The following GAB2 variants were observed in gnomAD, a reference collection of about 807,000 sequenced individuals.
GAB2 encodes GRB2-associated-binding protein 2.
Under a neutral mutation model 65.5 loss-of-function variants are expected in GAB2, and 26 were observed. The ratio of observed to expected loss-of-function variants is 0.40; its 90% CI spans 0.29 to 0.55. The LOEUF is 0.55. Among genes scored for constraint, GAB2 ranks in the 20% least tolerant of loss-of-function variants. The probability of loss-of-function intolerance (pLI) is 0.53; values close to 1 mark genes in which losing one functional copy is unlikely to be tolerated. For synonymous variants in GAB2, 321 were observed against 329.6 expected (o/e 0.97, Z 0.28); for missense variants, 884 against 875.8 (o/e 1.01, Z -0.12).
At chr11:78,373,519 T>G (rs1856597766) in intron 1 of GAB2, among the ~76,000 whole-genome samples, 1 of 152,106 alleles carries the variant, frequency 6.6e-6, no homozygotes, top group Non-Finnish European at 1.5e-5. Context: ...ATTACAGGCG[T>G]GAGCCACCAC....
intron 2 of GAB2, among the ~76,000 whole-genome samples, chr11:78,264,653 C>A (rs575788636): frequency 6.6e-6 from 1 of 152,124 alleles, no homozygotes; most frequent in East Asian, 1.9e-4. Flanking sequence ...GGTGGTTTAT[C>A]TCCCTTGGCC....
At chr11:78,220,122 G>A (rs1376738116) in intron 9 of GAB2, among the ~76,000 whole-genome samples, 197 bp downstream of exon 9, 1 of 152,200 alleles carries the variant, frequency 6.6e-6, no homozygotes, top group East Asian at 1.9e-4. Context: ...TGAGGGTACT[G>A]TGCTCTGAGA....
intron 1 of GAB2, among the ~76,000 whole-genome samples, chr11:78,303,567 TTTA>T (rs1166179160): frequency 6.6e-6 from 1 of 152,198 alleles, no homozygotes; most frequent in Non-Finnish European, 1.5e-5. Context: ...TTACTGCAGT[TTTA>T]TAATAAGTCT....
At chr11:78,271,277 T>C (rs1382305301) in intron 2 of GAB2, among the ~76,000 whole-genome samples, 2 of 152,230 alleles carry the variant, frequency 1.3e-5, no homozygotes, top group Non-Finnish European at 2.9e-5. Flanking sequence ...TTCCTTATTC[T>C]GAGGACTGAC....
At chr11:78,263,634 GGGA>G (rs1216105708) in intron 2 of GAB2, among the ~76,000 whole-genome samples, 2 of 125,960 alleles carry the variant, frequency 1.6e-5, no homozygotes, top group African/African-American at 7.3e-5. Flanking sequence ...CTCTGTCTGG[GGGA>G]AAAAAAAAAA....
At chr11:78,219,858 C>T (rs751136241) in intron 9 of GAB2, among the ~76,000 whole-genome samples, 18 of 152,174 alleles carry the variant, frequency 1.2e-4, no homozygotes, top group Non-Finnish European at 2.1e-4. Flanking sequence ...AGCTCTGCAC[C>T]CTTCTGTCTA....
Position 78,221,921 on chromosome 11 carries a change from G to A in GAB2, c.1659-142C>T, listed in dbSNP as rs1413611570. The stretch of plus-strand genomic sequence containing the variant: ...CTCCATCAGATTAAGATCTGATATA[G>A]GGCAGGTATAATTATTCTCTTTTAC... On this transcript the variant is annotated intron_variant, in intron 7 of 9. Coordinates refer to ENST00000361507, the MANE Select transcript of GAB2 (RefSeq NM_080491.3). 8.8e-6 allele frequency: 6 copies of A among 683,900 alleles called. No homozygotes were observed. In the African/African-American group the frequency reaches 8.9e-5, roughly 10 times the overall value. 42.4% of individuals were successfully genotyped at this position (683,900 alleles called of 1,614,324 possible).
chr11:78,218,431 G>A lies in GAB2; in HGVS notation c.*841C>T, dbSNP rs1864254393. 6.6e-6 allele frequency: 1 copy of A among 152,526 alleles called. No individual in the cohort carries two copies. The highest frequency in any genetic ancestry group is 2.4e-5 in the African/African-American group (1 of 41,454). The allele number at this position is 152,526 out of a possible 1,614,324, so 9.4% of individuals were successfully genotyped here. On this transcript the variant is annotated 3_prime_UTR_variant, in exon 10 of 10. Coordinates refer to ENST00000361507, the MANE Select transcript of GAB2 (RefSeq NM_080491.3). ...GGGCCTCTGAGGGGACTGGGGAAGA[G>A]GACTAGCCCTTGGGCCTAGAGTGGC...
chr11:78,320,282 T>C (rs1387147778), intron 1 of GAB2, among the ~76,000 whole-genome samples: 2 of 152,122 alleles, frequency 1.3e-5, no homozygotes, highest in Non-Finnish European at 2.9e-5. Flanking sequence ...AGCAATCTTC[T>C]TGCCTCAGCC....
chr11:78,309,951 TG>T (rs1855455839), intron 1 of GAB2, among the ~76,000 whole-genome samples: 1 of 140,648 alleles, frequency 7.1e-6, no homozygotes, highest in Non-Finnish European at 1.5e-5. Flanking sequence ...TGTGTGTGTG[TG>T]TGTGTGTGTG....
In GAB2 at chr11:78,217,328, G is replaced by C. The variant is rs1188758599; in HGVS notation, c.*1944C>G. The C allele has an allele frequency of 6.6e-6, 1 of 152,178 alleles. No homozygotes were observed. The highest frequency in any genetic ancestry group is 1.9e-4 in the East Asian group (1 of 5,192). The allele number at this position is 152,178 out of a possible 1,614,324, so 9.4% of individuals were successfully genotyped here. A position where few individuals can be genotyped will look rare whatever the true frequency, so the allele number is the denominator to read the frequency against. On this transcript the variant is annotated 3_prime_UTR_variant, in exon 10 of 10. Coordinates refer to ENST00000361507, the MANE Select transcript of GAB2 (RefSeq NM_080491.3). The stretch of plus-strand genomic sequence containing the variant: ...CCTTAGTGCTTAACCCCAGAAACTG[G>C]AGACAGCAGCCATTAATAAATACTC...
chr11:78,231,156 T>C (rs949834007), intron 3 of GAB2, among the ~76,000 whole-genome samples: 1 of 152,118 alleles, frequency 6.6e-6, no homozygotes, highest in Non-Finnish European at 1.5e-5. Context: ...AGGAAGATAC[T>C]CAAACACAAG....
chr11:78,334,216 C>G (rs1051875159), intron 1 of GAB2, among the ~76,000 whole-genome samples: 14 of 152,034 alleles, frequency 9.2e-5, no homozygotes, highest in African/African-American at 3.4e-4. Context: ...AATAAGGTAC[C>G]CATCCCCTTG....
rs564683311 is a variant in GAB2 at position 78,273,590 on chromosome 11, G to A, written c.376+7011C>T. 1.3e-4 allele frequency among the ~76,000 whole-genome samples: 20 copies of A among 152,340 alleles called. No homozygotes were observed. The East Asian group carries it at 2.3e-3, about 18-fold the overall frequency. On this transcript the variant is annotated intron_variant, in intron 2 of 9. Transcript: ENST00000361507. ...CTTTTGATTTTACAGGCTCATAGGCGGAAGGCCTTGCCTTGGATGAGACTT... is the reference window on the plus strand; with the variant it reads ...CTTTTGATTTTACAGGCTCATAGGCAGAAGGCCTTGCCTTGGATGAGACTT...
rs893223088 is a variant in GAB2, at chr11:78,258,998, A to AT, written c.377-8599dup. Among the ~76,000 whole-genome samples, 531 of 151,576 alleles carry AT rather than the reference A, an allele frequency of 3.5e-3. 9 individuals are homozygous for AT. Among genetic ancestry groups the AT allele is most frequent in the Middle Eastern group, 0.02 (6 of 294 alleles). On this transcript the variant is annotated intron_variant, in intron 2 of 9. Transcript: ENST00000361507. ...GTACTAAATCTAGTACCCAATAGTT[A>AT]TTTTTTTTGCTCCTCTCCCTCCTCC...
chr11:78,291,182 G>C (rs1866657592), intron 1 of GAB2, among the ~76,000 whole-genome samples: 2 of 151,590 alleles, frequency 1.3e-5, no homozygotes, highest in South Asian at 4.2e-4. Flanking sequence ...GCTGGGCGTG[G>C]TGGCTCACGT....
intron 1 of GAB2, among the ~76,000 whole-genome samples, chr11:78,350,382 T>C (rs1312968152): frequency 7.2e-5 from 11 of 152,206 alleles, no homozygotes; most frequent in Admixed American, 1.3e-4. Flanking sequence ...CTCCAAAGAC[T>C]GGAGTGATCA....
At chr11:78,325,052 A>AT (rs762702614) in intron 1 of GAB2, among the ~76,000 whole-genome samples, 1 of 152,100 alleles carries the variant, frequency 6.6e-6, no homozygotes, top group East Asian at 1.9e-4. Context: ...AGGGCATCTT[A>AT]TTTTTTTGCT....
intron 2 of GAB2, among the ~76,000 whole-genome samples, chr11:78,266,187 C>CAGTGCGAGA (rs1865867963): frequency 8.7e-6 from 1 of 115,254 alleles, no homozygotes; most frequent in Non-Finnish European, 1.6e-5. Context: ...TGCACTCCAG[C>CAGTGCGAGA]CTGGGTGACA....
Sources: allele counts gnomAD v4.1 joint callset (sites outside exome capture counted in the v4.1 genomes callset), GRCh38; gene constraint gnomAD v4.1.1; transcripts MANE v1.5; gene names NCBI Gene and HGNC (gene_info 2026-07-23, HGNC 2026-07-21).